PITPNM3: variants seen among roughly 807,000 people sequenced by gnomAD.
PITPNM3 encodes PITPNM family member 3.
In PITPNM3, 26 loss-of-function variants were observed where a neutral mutation model predicts 102.0. The observed-to-expected ratio is 0.25, with a 90% confidence interval of 0.19 to 0.35. The LOEUF (loss-of-function observed/expected upper bound fraction) is 0.35, where lower values mean the gene tolerates loss of function less well. Ranked by LOEUF, PITPNM3 falls within the 10% of genes least tolerant of loss-of-function variation. The probability of loss-of-function intolerance (pLI) is 1.00; values close to 1 mark genes in which losing one functional copy is unlikely to be tolerated. For synonymous variants in PITPNM3, 578 were observed against 558.6 expected, an observed-to-expected ratio of 1.03 and a Z score of -0.49; for missense variants, 1,083 against 1,346.1, an observed-to-expected ratio of 0.80 and a Z score of 3.06.
intron 3 of PITPNM3, among the ~76,000 whole-genome samples, chr17:6,515,121 C>A (rs557500059): frequency 2.4e-4 from 37 of 152,030 alleles, no homozygotes; most frequent in Admixed American, 4.6e-4. Context: ...TTGGGCCGGG[C>A]ATGGTGGCTC....
intron 2 of PITPNM3, among the ~76,000 whole-genome samples, chr17:6,535,518 C>A (rs1909364240): frequency 1.3e-5 from 2 of 151,858 alleles, no homozygotes; most frequent in Non-Finnish European, 2.9e-5. Context: ...TGGAAGAGGG[C>A]AGATGGGAGG....
rs745471438 is a variant in PITPNM3 at position 6,477,993 on chromosome 17, C to A, written c.882G>T (p.Gly294=). 36 of 1,613,170 alleles carry A rather than the reference C, an allele frequency of 2.2e-5. No homozygotes were observed. The highest frequency in any genetic ancestry group is 2.6e-5 in the Non-Finnish European group (31 of 1,180,038). ...GCTGTACCTGGGTGCTGCTGATGCTCCCCTTCCGGCTGCTGCTGGCAGGGC... is the reference window on the plus strand; with the variant it reads ...GCTGTACCTGGGTGCTGCTGATGCTACCCTTCCGGCTGCTGCTGGCAGGGC... ...GDSPASSSRK[G]SISSTQDTPV... is the part of the protein sequence containing the mutation. Residue 294 remains glycine (G), a synonymous_variant, in exon 8 of 20, where the codon GGG becomes GGT. Coordinates refer to ENST00000262483, the MANE Select transcript of PITPNM3 (RefSeq NM_031220.4).
chr17:6,533,918 T>C (rs536611751), intron 2 of PITPNM3, among the ~76,000 whole-genome samples: 1 of 152,348 alleles, frequency 6.6e-6, no homozygotes, highest in South Asian at 2.1e-4. Flanking sequence ...CCATTAATAC[T>C]GTGGACAGAG....
intron 10 of PITPNM3, chr17:6,473,275 T>C (rs1239468875): frequency 4.0e-6 from 1 of 251,098 alleles, no homozygotes; most frequent in East Asian, 1.1e-4. Flanking sequence ...CCAGGCCTGC[T>C]GCTAGAGTTC....
Position 6,536,532 on chromosome 17 carries a change from C to T in PITPNM3, c.118+1455G>A, listed in dbSNP as rs547393104. Among the ~76,000 whole-genome samples, 119 of 152,252 alleles carry T rather than the reference C, an allele frequency of 7.8e-4. 1 individual carries two copies. The Middle Eastern group carries it at 0.01, about 13-fold the overall frequency. ...TAGGGCTGGCCTCAGGGAAGGGGTTCCCCGCCCAGAGCCAAGAATGGGGGA... is the reference window on the plus strand; with the variant it reads ...TAGGGCTGGCCTCAGGGAAGGGGTTTCCCGCCCAGAGCCAAGAATGGGGGA... On this transcript the variant is annotated intron_variant, in intron 2 of 19. Transcript: ENST00000262483.
rs74773251 is a variant in PITPNM3, at chr17:6,551,662, G to T, written c.22+4723C>A. Among the ~76,000 whole-genome samples, 1,281 of 152,170 alleles carry T rather than the reference G, an allele frequency of 8.4e-3. 25 individuals are homozygous for T. The highest frequency in any genetic ancestry group is 0.029 in the African/African-American group (1,196 of 41,502). Reference sequence around the variant, plus strand: ...AGCCAAAGCAGGAAGGATTACTTGAGGCCCAGAGTTTGAGACCAGCCTGGG... The same window carrying T: ...AGCCAAAGCAGGAAGGATTACTTGATGCCCAGAGTTTGAGACCAGCCTGGG... On this transcript the variant is annotated intron_variant, in intron 1 of 19. Transcript: ENST00000262483.
chr17:6,556,302 T>A lies in PITPNM3; in HGVS notation c.22+83A>T. 8.1e-7 allele frequency: 1 copy of A among 1,233,094 alleles called. No individual in the cohort carries two copies. The highest frequency in any genetic ancestry group is 1.1e-6 in the Non-Finnish European group (1 of 931,740). The allele number at this position is 1,233,094 out of a possible 1,614,324, so 76.4% of individuals were successfully genotyped here. On this transcript the variant is annotated intron_variant, in intron 1 of 19. Transcript: ENST00000262483. The surrounding 1 kb of genome is among the most constrained non-coding windows in gnomAD (Gnocchi z 5.2). Reference sequence around the variant, plus strand: ...ACCTCCGCCCACCTGCGCGAGGGGTTCACCTGGGCCGGCGGCCCCTCCTCT... The same window carrying A: ...ACCTCCGCCCACCTGCGCGAGGGGTACACCTGGGCCGGCGGCCCCTCCTCT...
intron 3 of PITPNM3, among the ~76,000 whole-genome samples, chr17:6,519,423 G>A (rs113789652): frequency 2.2e-4 from 34 of 151,648 alleles, no homozygotes; most frequent in African/African-American, 7.7e-4. Context: ...GGGGACTGAG[G>A]CAGGAGAATG....
rs114773854 is a variant in PITPNM3, at chr17:6,458,157, G to T, written c.2491-435C>A. On this transcript the variant is annotated intron_variant, in intron 18 of 19. Transcript: ENST00000262483. The surrounding 1 kb of genome is among the most constrained non-coding windows in gnomAD (Gnocchi z 5.1). The stretch of plus-strand genomic sequence containing the variant: ...TGTGCCCACTGCCTCTCACTGGCTG[G>T]TGTGATGACCGCCCCCCTCCCCAAC... 8.5e-5 allele frequency among the ~76,000 whole-genome samples: 13 copies of T among 152,072 alleles called. No homozygotes were observed. The South Asian group carries it at 2.3e-3, about 27-fold the overall frequency.
intron 3 of PITPNM3, among the ~76,000 whole-genome samples, chr17:6,505,481 G>A (rs1229015445): frequency 3.3e-5 from 5 of 152,070 alleles, no homozygotes; most frequent in East Asian, 1.9e-4. Flanking sequence ...CCTGGACACC[G>A]TCATAGAGCA....
intron 17 of PITPNM3, among the ~76,000 whole-genome samples, chr17:6,461,763 C>T (rs1003169983): frequency 6.6e-6 from 1 of 152,182 alleles, no homozygotes; most frequent in African/African-American, 2.4e-5. Flanking sequence ...GCCACAGGCC[C>T]ATATCCAAAC....
At chr17:6,485,227 C>T (rs1365281008) in intron 4 of PITPNM3, among the ~76,000 whole-genome samples, 1 of 150,314 alleles carries the variant, frequency 6.7e-6, no homozygotes, top group Admixed American at 6.6e-5. Context: ...GGTGCAATCT[C>T]GGCTCACTGC....
chr17:6,503,874 C>T (rs534394799), intron 3 of PITPNM3, among the ~76,000 whole-genome samples: 1 of 152,268 alleles, frequency 6.6e-6, no homozygotes, highest in African/African-American at 2.4e-5. Context: ...AAAGCAGCGG[C>T]TTCCCAGGAG....
chr17:6,523,266 T>C (rs1420071193), intron 3 of PITPNM3, among the ~76,000 whole-genome samples: 1 of 152,236 alleles, frequency 6.6e-6, no homozygotes, highest in Non-Finnish European at 1.5e-5. Flanking sequence ...GAATGCACTT[T>C]GCAAATATCA....
In PITPNM3 at chr17:6,457,663, C is replaced by T. The variant is rs758932046; in HGVS notation, c.2550G>A (p.Val850=). 2 of 1,610,208 alleles carry T rather than the reference C, an allele frequency of 1.2e-6. No homozygotes were observed. Among genetic ancestry groups the T allele is most frequent in the East Asian group, 4.5e-5 (2 of 44,734 alleles). The change falls in exon 19 of 20, where the codon GTG becomes GTA. Residue 850 remains valine (V), a synonymous_variant. Coordinates refer to ENST00000262483, the MANE Select transcript of PITPNM3 (RefSeq NM_031220.4). The surrounding 1 kb of genome is among the most constrained non-coding windows in gnomAD (Gnocchi z 4.7). ...AGATCTGGGAGGCAGGCAGGCCCAG[C>T]ACGCTGTAGACAGAGATGTCCTTCG... The part of the protein sequence containing the change: ...GSTKDISVYS[V]LGLPASQIFI...
chr17:6,461,436 G>T lies in PITPNM3; in HGVS notation c.2427C>A (p.Ser809=). The change falls in exon 18 of 20, where the codon TCC becomes TCA. Residue 809 remains serine, a synonymous_variant. Coordinates refer to ENST00000262483, the MANE Select transcript of PITPNM3 (RefSeq NM_031220.4). ...GCAGCGGGTCATGCACCAGCCCATC[G>T]GAGAAGAAGATCATGCCCTGTGGGA... The part of the protein sequence containing the change: ...HNFPQGMIFF[S]DGLVHDPLRQ... 1.2e-6 allele frequency: 2 copies of T among 1,614,156 alleles called. No individual in the cohort carries two copies. Among genetic ancestry groups the T allele is most frequent in the Non-Finnish European group, 1.7e-6 (2 of 1,180,030 alleles).
At chr17:6,464,024 T>C in intron 16 of PITPNM3, 143 bp from the exon 17 acceptor site, 1 of 1,534,708 alleles carries the variant, frequency 6.5e-7, no homozygotes, top group Non-Finnish European at 8.9e-7. Context: ...ATGCCACGGC[T>C]GGTGACCTCT....
At chr17:6,528,172 C>G (rs1174527730) in intron 2 of PITPNM3, among the ~76,000 whole-genome samples, 4 of 152,184 alleles carry the variant, frequency 2.6e-5, no homozygotes, top group Non-Finnish European at 5.9e-5. Context: ...TTCTCTTTGC[C>G]TCTCCCAAGC....
At chr17:6,460,131 A>T (rs548693839) in intron 18 of PITPNM3, among the ~76,000 whole-genome samples, 13 of 152,042 alleles carry the variant, frequency 8.6e-5, no homozygotes, top group Non-Finnish European at 1.9e-4. Context: ...AGATTTGCCA[A>T]GTTTGGGCCC....
Sources: gnomAD v4.1 joint callset for allele counts (sites outside exome capture counted in the v4.1 genomes callset) on GRCh38, gnomAD v4.1.1 for gene constraint, Gnocchi (gnomAD v3.1) non-coding constraint, MANE v1.5 for transcripts, NCBI Gene and HGNC (gene_info 2026-07-23, HGNC 2026-07-21) for gene names.